GOLGA1: variants seen among roughly 807,000 people sequenced by gnomAD.
GOLGA1 encodes golgin A1.
A neutral mutation model predicts 119.7 loss-of-function variants in GOLGA1; 63 were observed. The ratio of observed to expected loss-of-function variants is 0.53; its 90% CI spans 0.43 to 0.65. The LOEUF (loss-of-function observed/expected upper bound fraction) is 0.65, where lower values mean the gene tolerates loss of function less well. Ranked by LOEUF, GOLGA1 falls within the 30% of genes least tolerant of loss-of-function variation. The pLI, the probability that GOLGA1 is intolerant of heterozygous loss-of-function variation, is 0.00. For synonymous variants in GOLGA1, 318 were observed against 333.4 expected (o/e 0.95, Z 0.50); for missense variants, 798 against 912.8 (o/e 0.87, Z 1.62).
At chr9:124,900,411 CA>C in intron 13 of GOLGA1, 40 bp downstream of exon 13, 1 of 991,998 alleles carries the variant, frequency 1.0e-6, no homozygotes, top group Non-Finnish European at 1.6e-6. Context: ...GGAGAGAAAG[CA>C]TTAAGGGCCT....
rs2131355048 is a variant in GOLGA1, at chr9:124,881,803, A to G, written c.2117T>C (p.Met706Thr). Residue 706 changes from methionine (M) to threonine (T), a missense_variant, in exon 21 of 23, where the codon ATG becomes ACG. Transcript: ENST00000373555. This position sits in a 1 kb window ranked among gnomAD's most constrained non-coding sequence, Gnocchi z 4.9. Reference protein sequence around the residue: ...EYLKHVVLKFMSCRESEAFHL... With the variant: ...EYLKHVVLKFTSCRESEAFHL... ...CTTTACCTCGGATTCGCGACAAGAC[A>G]TGAATTTTAAAACCACATGTTTAAG... 2 of 1,610,992 alleles carry G rather than the reference A, an allele frequency of 1.2e-6. No individual in the cohort carries two copies. The highest frequency in any genetic ancestry group is 1.7e-6 in the Non-Finnish European group (2 of 1,178,888).
Position 124,928,276 on chromosome 9 carries a change from C to A in GOLGA1, c.311G>T (p.Arg104Leu). 6.3e-7 allele frequency: 1 copy of A among 1,584,240 alleles called. No individual in the cohort carries two copies. Among genetic ancestry groups the A allele is most frequent in the Non-Finnish European group, 8.7e-7 (1 of 1,154,544 alleles). Residue 104 changes from arginine (R) to leucine (L), a missense_variant, in exon 6 of 23, where the codon CGG becomes CTG. Coordinates refer to ENST00000373555, the MANE Select transcript of GOLGA1 (RefSeq NM_002077.4). ...TGTCTCATTCTGCTCTTGAAATTTCCGCATGGAAGCTGTTAACAAAGAGGC... is the reference window on the plus strand; with the variant it reads ...TGTCTCATTCTGCTCTTGAAATTTCAGCATGGAAGCTGTTAACAAAGAGGC... Reference protein sequence around the residue: ...ALEKHQDSSMRKFQEQNETFQ... With the variant: ...ALEKHQDSSMLKFQEQNETFQ...
intron 10 of GOLGA1, among the ~76,000 whole-genome samples, chr9:124,916,639 T>C (rs1263721968): frequency 3.9e-5 from 6 of 152,006 alleles, no homozygotes; most frequent in African/African-American, 1.4e-4. Flanking sequence ...TTTGGGAGGC[T>C]GAGGCAGGAG....
At chr9:124,931,277 G>A (rs202133504) in intron 4 of GOLGA1, 39 bp downstream of exon 4, 2 of 936,016 alleles carry the variant, frequency 2.1e-6, no homozygotes, top group Non-Finnish European at 3.6e-6. Context: ...AGCAAGGCAA[G>A]TTTCCTGTTG....
chr9:124,892,876 G>A (rs578218079), intron 15 of GOLGA1, among the ~76,000 whole-genome samples: 1 of 148,262 alleles, frequency 6.7e-6, no homozygotes, highest in African/African-American at 2.5e-5. Context: ...AGGTTGCAGT[G>A]AGCCGAGATC....
intron 5 of GOLGA1, among the ~76,000 whole-genome samples, chr9:124,928,507 G>A (rs1281579619): frequency 1.3e-5 from 2 of 151,992 alleles, no homozygotes; most frequent in African/African-American, 4.8e-5. Flanking sequence ...TTTGTTTTTT[G>A]TAATAGACAA....
chr9:124,901,025 G>A (rs181112147), intron 12 of GOLGA1, among the ~76,000 whole-genome samples: 2 of 148,242 alleles, frequency 1.3e-5, no homozygotes, highest in Non-Finnish European at 3.0e-5. Flanking sequence ...AGGCTGGAGT[G>A]CAGTGGCATG....
chr9:124,889,605 C>T (rs1588059388), intron 16 of GOLGA1, 69 bp from the exon 17 acceptor site: 1 of 1,006,244 alleles, frequency 9.9e-7, no homozygotes, highest in Non-Finnish European at 1.6e-6. Context: ...GAAATCTCCA[C>T]TTCCCCGCTC....
intron 9 of GOLGA1, 129 bp downstream of exon 9, chr9:124,921,594 T>C (rs1394192857): frequency 4.0e-6 from 3 of 756,860 alleles, no homozygotes; most frequent in Non-Finnish European, 4.5e-6. Context: ...CAGGTAAGGA[T>C]GTGTCCAGAA....
At chr9:124,899,591 C>T in intron 13 of GOLGA1, 113 bp from the exon 14 acceptor site, 2 of 1,064,398 alleles carry the variant, frequency 1.9e-6, no homozygotes, top group Admixed American at 2.3e-5. Flanking sequence ...TCTCTCCTGA[C>T]CCCATCCCCC....
intron 19 of GOLGA1, among the ~76,000 whole-genome samples, chr9:124,883,644 C>T (rs545104265): frequency 1.3e-5 from 2 of 151,884 alleles, no homozygotes; most frequent in African/African-American, 2.4e-5. Context: ...GACAGGGTTT[C>T]ACCATGTTGG....
chr9:124,882,514 T>G lies in GOLGA1; in HGVS notation c.1961A>C (p.Glu654Ala). 2 of 1,610,440 alleles carry G rather than the reference T, an allele frequency of 1.2e-6. No individual in the cohort carries two copies. Among genetic ancestry groups the G allele is most frequent in the Non-Finnish European group, 1.7e-6 (2 of 1,177,680 alleles). The change falls in exon 20 of 23, where the codon GAG becomes GCG. Residue 654 changes from glutamate to alanine, a missense_variant. Transcript: ENST00000373555. ...AGCTCCCATGCGAGTACTCACCAGC[T>G]CCTTCTGCAGAGTCTTCCGGAGCTC... ...MLELRKTLQK[E>A]LKIRPDNELF... is the part of the protein sequence containing the mutation.
rs575362309 is a variant in GOLGA1 at position 124,910,172 on chromosome 9, G to A, written c.970-1700C>T. Among the ~76,000 whole-genome samples, 5 of 152,106 alleles carry A rather than the reference G, an allele frequency of 3.3e-5. No individual in the cohort carries two copies. In the East Asian group the frequency reaches 7.7e-4, roughly 24 times the overall value. On this transcript the variant is annotated intron_variant, in intron 11 of 22. Coordinates refer to ENST00000373555, the MANE Select transcript of GOLGA1 (RefSeq NM_002077.4). ...TCTCGATCTCCTGATCTTGTGATCC[G>A]CCCGCCTCGGCCTCCCAAAGTGCTG...
At chr9:124,880,900 G>A (rs995542289) in intron 22 of GOLGA1, among the ~76,000 whole-genome samples, 6 of 152,228 alleles carry the variant, frequency 3.9e-5, no homozygotes, top group African/African-American at 1.4e-4. Flanking sequence ...TGAGTGCCGA[G>A]CCAGACCTGG....
Position 124,923,131 on chromosome 9 carries a change from C to A in GOLGA1, c.525G>T (p.Gly175=). 1.9e-6 allele frequency: 3 copies of A among 1,609,410 alleles called. No homozygotes were observed. Among genetic ancestry groups the A allele is most frequent in the Non-Finnish European group, 2.5e-6 (3 of 1,177,008 alleles). ...QRRDEMDELE[G]FQQQELSKIK... ...TTTTACTTAGTTCCTGCTGCTGGAA[C>A]CCCTCTAATTCATCCATTTCATCTC... The change falls in exon 8 of 23, where the codon GGG becomes GGT. Residue 175 remains glycine (G), a synonymous_variant. Coordinates refer to ENST00000373555, the MANE Select transcript of GOLGA1 (RefSeq NM_002077.4).
chr9:124,898,835 C>T (rs1161955799), intron 14 of GOLGA1, among the ~76,000 whole-genome samples, 191 bp from the exon 15 acceptor site: 1 of 152,168 alleles, frequency 6.6e-6, no homozygotes, highest in Admixed American at 6.5e-5. Flanking sequence ...GAAAACCCAT[C>T]TGTTTTGTTT....
chr9:124,882,478 G>C (rs1479005765), intron 20 of GOLGA1, 32 bp downstream of exon 20: 1 of 1,556,108 alleles, frequency 6.4e-7, no homozygotes, highest in Non-Finnish European at 8.8e-7. Flanking sequence ...GGAGTGCTGG[G>C]AAGTGGGGCC....
intron 12 of GOLGA1, among the ~76,000 whole-genome samples, chr9:124,908,136 G>A (rs921180528): frequency 1.3e-5 from 2 of 152,158 alleles, no homozygotes; most frequent in East Asian, 1.9e-4. Flanking sequence ...GAACCACAAC[G>A]GAATGGTATC....
intron 1 of GOLGA1, among the ~76,000 whole-genome samples, chr9:124,940,440 A>G (rs1830984200): frequency 6.6e-6 from 1 of 152,204 alleles, no homozygotes; most frequent in Non-Finnish European, 1.5e-5. Flanking sequence ...GAGCAAAACA[A>G]TTTGAATGAG....
Sources: allele counts gnomAD v4.1 joint callset (sites outside exome capture counted in the v4.1 genomes callset), GRCh38; gene constraint gnomAD v4.1.1; non-coding constraint Gnocchi (gnomAD v3.1); transcripts MANE v1.5; gene names NCBI Gene and HGNC (gene_info 2026-07-23, HGNC 2026-07-21).